The following SLC35F1 variants were observed in gnomAD, a reference collection of about 807,000 sequenced individuals.
SLC35F1 encodes chromosome 6 open reading frame 169.
Under a neutral mutation model 48.7 loss-of-function variants are expected in SLC35F1, and 14 were observed. The ratio of observed to expected loss-of-function variants is 0.29; its 90% CI spans 0.19 to 0.45. The LOEUF (loss-of-function observed/expected upper bound fraction) is 0.45. Ranked by LOEUF, SLC35F1 falls within the 20% of genes least tolerant of loss-of-function variation. SLC35F1 has a pLI of 1.00. For missense variants in SLC35F1, 404 were observed against 500.0 expected (o/e 0.81, Z 1.83); for synonymous variants, 190 against 202.2 (o/e 0.94, Z 0.51).
intron 1 of SLC35F1, among the ~76,000 whole-genome samples, chr6:118,116,613 T>C (rs938429244): frequency 2.0e-5 from 3 of 152,222 alleles, no homozygotes; most frequent in African/African-American, 7.2e-5. Flanking sequence ...TTTCTGTTGT[T>C]TTCAAAATCC....
At chr6:118,000,323 A>C (rs1488450133) in intron 1 of SLC35F1, among the ~76,000 whole-genome samples, 2 of 70,810 alleles carry the variant, frequency 2.8e-5, no homozygotes, top group Non-Finnish European at 2.7e-5. Context: ...GTAATCCAGC[A>C]TATAAACAGA....
Position 118,304,793 on chromosome 6 carries a change from G to A in SLC35F1, c.1003-9235G>A, listed in dbSNP as rs142828098. ...ATTATTGTCCTTAGTTAACTGATGA[G>A]TGGCCTGAGGCTTGGAGATGTAGGG... On this transcript the variant is annotated intron_variant, in intron 7 of 7. Coordinates refer to ENST00000360388, the MANE Select transcript of SLC35F1 (RefSeq NM_001029858.4). 7.9e-3 allele frequency among the ~76,000 whole-genome samples: 1,204 copies of A among 151,610 alleles called. 14 individuals carry two copies. The highest frequency in any genetic ancestry group is 0.028 in the African/African-American group (1,153 of 41,198).
intron 1 of SLC35F1, among the ~76,000 whole-genome samples, chr6:118,136,314 A>G (rs1302466663): frequency 1.3e-5 from 2 of 152,208 alleles, no homozygotes; most frequent in Non-Finnish European, 2.9e-5. Flanking sequence ...TAGACCTCTC[A>G]TCTTTGAAGA....
At chr6:118,230,001 A>G (rs999403507) in intron 2 of SLC35F1, among the ~76,000 whole-genome samples, 2 of 152,174 alleles carry the variant, frequency 1.3e-5, no homozygotes, top group Admixed American at 6.5e-5. Context: ...TTAAAGAGAG[A>G]GTGAAAACAA....
chr6:117,969,775 G>C (rs1776616415), intron 1 of SLC35F1, among the ~76,000 whole-genome samples: 1 of 152,024 alleles, frequency 6.6e-6, no homozygotes. Context: ...ACTTTTTGGT[G>C]TATGTTTTTC....
intron 6 of SLC35F1, among the ~76,000 whole-genome samples, chr6:118,277,873 G>T (rs1181370776): frequency 6.6e-6 from 1 of 152,004 alleles, no homozygotes; most frequent in Non-Finnish European, 1.5e-5. Context: ...ACAGCAATTT[G>T]CCTTAGCCAA....
chr6:118,043,624 C>A (rs1326853843), intron 1 of SLC35F1, among the ~76,000 whole-genome samples: 1 of 152,146 alleles, frequency 6.6e-6, no homozygotes, highest in African/African-American at 2.4e-5. Flanking sequence ...ATATAGATTT[C>A]CCCACGTTTG....
chr6:118,093,829 G>T (rs191841142), intron 1 of SLC35F1, among the ~76,000 whole-genome samples: 1 of 152,114 alleles, frequency 6.6e-6, no homozygotes, highest in Non-Finnish European at 1.5e-5. Context: ...CAGTAAGGTC[G>T]GAGAAAACCA....
At chr6:117,988,564 G>A (rs187666395) in intron 1 of SLC35F1, among the ~76,000 whole-genome samples, 3 of 152,286 alleles carry the variant, frequency 2.0e-5, no homozygotes, top group East Asian at 3.9e-4. Context: ...TAAGCCAGAA[G>A]TGTGAAAGTT....
chr6:117,990,166 G>A (rs562641562), intron 1 of SLC35F1, among the ~76,000 whole-genome samples: 1 of 152,142 alleles, frequency 6.6e-6, no homozygotes, highest in African/African-American at 2.4e-5. Context: ...AATATTAAAG[G>A]CATCAGGTGA....
intron 1 of SLC35F1, among the ~76,000 whole-genome samples, chr6:118,102,156 TAAC>T (rs1232753466): frequency 1.3e-5 from 2 of 152,156 alleles, no homozygotes; most frequent in Non-Finnish European, 2.9e-5. Context: ...TGGCACACAA[TAAC>T]AATGTACAGG....
At chr6:118,198,717 A>G (rs1774834071) in intron 2 of SLC35F1, among the ~76,000 whole-genome samples, 1 of 152,184 alleles carries the variant, frequency 6.6e-6, no homozygotes, top group East Asian at 1.9e-4. Flanking sequence ...TAATGTTTAC[A>G]CACCTGTGTG....
chr6:118,091,742 TAAG>T (rs1449585863), intron 1 of SLC35F1, among the ~76,000 whole-genome samples: 2 of 152,178 alleles, frequency 1.3e-5, no homozygotes, highest in African/African-American at 4.8e-5. Flanking sequence ...CAGAAGAAGA[TAAG>T]AAGATGTGGG....
intron 1 of SLC35F1, among the ~76,000 whole-genome samples, chr6:118,075,678 A>T (rs1772808037): frequency 6.6e-6 from 1 of 152,242 alleles, no homozygotes; most frequent in South Asian, 2.1e-4. Flanking sequence ...TTCTGGAAAC[A>T]ACATGATTGC....
rs534970291 is a variant in SLC35F1 at position 118,229,974 on chromosome 6, C to T, written c.350-5535C>T. ...ACTTTCATTATGTTTTACACATTTG[C>T]CATACTCTACAGTCCTTTAAAGAGA... On this transcript the variant is annotated intron_variant, in intron 2 of 7. Coordinates refer to ENST00000360388, the MANE Select transcript of SLC35F1 (RefSeq NM_001029858.4). Among the ~76,000 whole-genome samples the T allele has an allele frequency of 7.4e-4, 112 of 152,240 alleles. 1 individual carries two copies. Among genetic ancestry groups the T allele is most frequent in the African/African-American group, 2.7e-3 (112 of 41,550 alleles).
intron 1 of SLC35F1, among the ~76,000 whole-genome samples, chr6:118,109,090 AT>A (rs1307065485): frequency 1.3e-5 from 2 of 152,176 alleles, no homozygotes; most frequent in Non-Finnish European, 2.9e-5. Context: ...CTTTTGCCTT[AT>A]TAGGGAATCA....
intron 1 of SLC35F1, among the ~76,000 whole-genome samples, chr6:118,109,528 C>T (rs969835917): frequency 6.6e-6 from 1 of 152,128 alleles, no homozygotes; most frequent in African/African-American, 2.4e-5. Flanking sequence ...TCAAATTCAG[C>T]TTCAGTTGTA....
chr6:117,914,136 ATCTG>A (rs1160136334), intron 1 of SLC35F1, among the ~76,000 whole-genome samples: 10 of 144,762 alleles, frequency 6.9e-5, no homozygotes, highest in African/African-American at 2.6e-4. Context: ...CTATCTATCT[ATCTG>A]TCTATCCACA....
intron 1 of SLC35F1, among the ~76,000 whole-genome samples, chr6:118,050,944 T>G (rs992825569): frequency 1.3e-5 from 2 of 152,002 alleles, no homozygotes; most frequent in Non-Finnish European, 2.9e-5. Context: ...GCTGATGAAA[T>G]CTCATGGAAC....
Sources: gnomAD v4.1 joint callset for allele counts (sites outside exome capture counted in the v4.1 genomes callset) on GRCh38, gnomAD v4.1.1 for gene constraint, MANE v1.5 for transcripts, NCBI Gene and HGNC (gene_info 2026-07-23, HGNC 2026-07-21) for gene names.